Variants in ANK2 observed in about 807,000 individuals in gnomAD.
The protein encoded by ANK2 is ankyrin 2.
ANK2 carries 83 observed loss-of-function variants against 360.5 expected under a neutral mutation model. That is an observed-to-expected ratio of 0.23 (90% CI 0.19 to 0.28). ANK2 has a LOEUF of 0.28. Ranked by LOEUF, ANK2 falls within the 10% of genes least tolerant of loss-of-function variation. ANK2 has a pLI of 1.00. For synonymous variants in ANK2, 1,740 were observed against 1,759.5 expected (o/e 0.99, Z 0.28); for missense variants, 4,201 against 4,795.7 (o/e 0.88, Z 3.66).
intron 1 of ANK2, among the ~76,000 whole-genome samples, chr4:113,084,082 C>T (rs566329212): frequency 2.0e-5 from 3 of 152,238 alleles, no homozygotes; most frequent in East Asian, 1.9e-4. Context: ...TGCTTCTAAC[C>T]ATTGGCTTCT....
intron 1 of ANK2, among the ~76,000 whole-genome samples, chr4:113,114,653 CTGTT>C (rs1392004030): frequency 1.3e-5 from 2 of 152,012 alleles, no homozygotes; most frequent in Admixed American, 6.6e-5. Flanking sequence ...AAATTAATAA[CTGTT>C]TGATTTTACA....
intron 2 of ANK2, among the ~76,000 whole-genome samples, chr4:112,987,387 C>G (rs1476735585): frequency 6.6e-6 from 1 of 152,194 alleles, no homozygotes; most frequent in Non-Finnish European, 1.5e-5. Context: ...AGACAAACAA[C>G]AACCCTTTAA....
intron 4 of ANK2, among the ~76,000 whole-genome samples, chr4:113,215,535 G>A (rs2099076154): frequency 6.6e-6 from 1 of 152,094 alleles, no homozygotes; most frequent in South Asian, 2.1e-4. Flanking sequence ...TTCTGGAGTG[G>A]GGAGTGGAGA....
chr4:113,060,452 TA>T (rs566318437), intron 1 of ANK2, among the ~76,000 whole-genome samples: 7 of 152,108 alleles, frequency 4.6e-5, no homozygotes, highest in African/African-American at 1.7e-4. Context: ...CAGATGGGTT[TA>T]AAAAAACCCT....
At chr4:112,865,364 C>T (rs887613363) in intron 1 of ANK2, among the ~76,000 whole-genome samples, 2 of 152,002 alleles carry the variant, frequency 1.3e-5, no homozygotes, top group East Asian at 3.8e-4. Context: ...TATATAATAC[C>T]AACCTCACAA....
chr4:113,149,874 CAAA>C (rs34667216), intron 1 of ANK2, among the ~76,000 whole-genome samples: 452 of 31,356 alleles, frequency 0.014, 1 homozygote, highest in African/African-American at 0.054. Context: ...GACCCTGCCT[CAAA>C]AAAAAAAAAA....
At chr4:113,131,277 A>G (rs982074712) in intron 1 of ANK2, among the ~76,000 whole-genome samples, 26 of 152,260 alleles carry the variant, frequency 1.7e-4, no homozygotes, top group African/African-American at 6.0e-4. Flanking sequence ...AGCCTTGTTC[A>G]CACTCAGTGC....
At position 113,232,104 on chromosome 4, in the gene ANK2, T is replaced by C; in HGVS notation, c.385-57T>C. On this transcript the variant is annotated intron_variant, in intron 4 of 45. Coordinates refer to ENST00000357077, the MANE Select transcript of ANK2 (RefSeq NM_001148.6). ...TTCCCTATGTCGAAGGTTTACTTCC[T>C]AGTGTTCTCTCTTATACAAATGATT... 3 of 1,241,550 alleles carry C rather than the reference T, an allele frequency of 2.4e-6. No individual in the cohort carries two copies. In the South Asian group the frequency reaches 3.6e-5, roughly 15 times the overall value. The allele number at this position is 1,241,550 out of a possible 1,614,324, so 76.9% of individuals were successfully genotyped here.
chr4:112,785,002 CAA>C, the ANK2 span, among the ~76,000 whole-genome samples: 2 of 152,090 alleles, frequency 1.3e-5, no homozygotes, highest in Non-Finnish European at 2.9e-5. Context: ...TAAAATAAAA[CAA>C]GAGGAAAATA....
intron 36 of ANK2, among the ~76,000 whole-genome samples, chr4:113,348,640 G>A (rs1226758265): frequency 2.6e-5 from 4 of 151,914 alleles, no homozygotes; most frequent in African/African-American, 9.7e-5. Context: ...CATTATTAAT[G>A]TCTTAATTTT....
chr4:113,082,220 A>G (rs1306634872), intron 1 of ANK2, among the ~76,000 whole-genome samples: 4 of 152,170 alleles, frequency 2.6e-5, no homozygotes, highest in African/African-American at 9.7e-5. Context: ...CATGGTCTAT[A>G]TTTTGCATCT....
chr4:112,831,122 C>T (rs1254403136), intron 1 of ANK2, among the ~76,000 whole-genome samples: 1 of 152,222 alleles, frequency 6.6e-6, no homozygotes, highest in East Asian at 1.9e-4. Flanking sequence ...GCCAGAGACT[C>T]CCCAATGGGT....
intron 45 of ANK2, among the ~76,000 whole-genome samples, chr4:113,374,284 T>C (rs1023166479): frequency 2.6e-5 from 4 of 152,350 alleles, no homozygotes; most frequent in Admixed American, 1.3e-4. Context: ...TTACTTGTTT[T>C]GACAAATAGT....
chr4:112,813,355 G>A (rs745562449), upstream of ANK2, among the ~76,000 whole-genome samples: 10 of 151,206 alleles, frequency 6.6e-5, no homozygotes, highest in Non-Finnish European at 1.2e-4. Flanking sequence ...TTTCCCAAAA[G>A]CAGAATTTAA....
At chr4:113,231,670 C>T (rs1260533505) in intron 4 of ANK2, among the ~76,000 whole-genome samples, 2 of 150,914 alleles carry the variant, frequency 1.3e-5, no homozygotes, top group African/African-American at 4.9e-5. Context: ...ATGACCTGAT[C>T]TCAGCTCACT....
intron 1 of ANK2, among the ~76,000 whole-genome samples, chr4:113,128,687 C>T (rs2095819236): frequency 1.3e-5 from 2 of 152,102 alleles, no homozygotes; most frequent in South Asian, 4.1e-4. Context: ...GATGGGGTTT[C>T]ACCGTATTGG....
At chr4:113,148,319 T>C (rs1234823181) in intron 1 of ANK2, among the ~76,000 whole-genome samples, 1 of 152,220 alleles carries the variant, frequency 6.6e-6, no homozygotes, top group Non-Finnish European at 1.5e-5. Flanking sequence ...GCATAACAAA[T>C]TAATTTGCTT....
chr4:113,296,021 A>AACAATACATT (rs138176128), intron 22 of ANK2, among the ~76,000 whole-genome samples: 7,625 of 152,156 alleles, frequency 0.05, 646 homozygotes, highest in African/African-American at 0.17. Flanking sequence ...ATGTATTGTT[A>AACAATACATT]ATGATATTAA....
chr4:113,168,042 CTTAA>C (rs1434041080), intron 1 of ANK2, among the ~76,000 whole-genome samples: 1 of 152,082 alleles, frequency 6.6e-6, no homozygotes, highest in Non-Finnish European at 1.5e-5. Flanking sequence ...GCAAAATAAT[CTTAA>C]TTAATGCTTT....
Sources: gnomAD v4.1 joint callset for allele counts (sites outside exome capture counted in the v4.1 genomes callset) on GRCh38, gnomAD v4.1.1 for gene constraint, MANE v1.5 for transcripts, NCBI Gene and HGNC (gene_info 2026-07-23, HGNC 2026-07-21) for gene names.